The following LRRC37A2 variants were observed in gnomAD, a reference collection of about 807,000 sequenced individuals.
The protein encoded by LRRC37A2 is leucine rich repeat containing 37 member A2.
A neutral mutation model predicts 68.8 loss-of-function variants in LRRC37A2; 9 were observed. The ratio of observed to expected loss-of-function variants is 0.13; its 90% confidence interval spans 0.08 to 0.23. The LOEUF (loss-of-function observed/expected upper bound fraction) is 0.23. Ranked by LOEUF, LRRC37A2 falls within the 10% of genes least tolerant of loss-of-function variation. The probability of loss-of-function intolerance (pLI) is 1.00; values close to 1 mark genes in which losing one functional copy is unlikely to be tolerated. For missense variants in LRRC37A2, 168 were observed against 950.4 expected, an observed-to-expected ratio of 0.18 and a Z score of 10.82; for synonymous variants, 63 against 367.6, an observed-to-expected ratio of 0.17 and a Z score of 9.48.
chr17:46,777,196 C>T, the LRRC37A2 span, among the ~76,000 whole-genome samples: 1 of 151,806 alleles, frequency 6.6e-6, no homozygotes, highest in Non-Finnish European at 1.5e-5. Flanking sequence ...GGCGACAGAG[C>T]GAGACTTCGT....
At chr17:46,950,941 G>A in the LRRC37A2 span, among the ~76,000 whole-genome samples, 1 of 152,182 alleles carries the variant, frequency 6.6e-6, no homozygotes, top group African/African-American at 2.4e-5. Context: ...GGAAGTCACC[G>A]ACTCCCAATC....
the LRRC37A2 span, among the ~76,000 whole-genome samples, chr17:46,871,786 G>A: frequency 6.6e-6 from 1 of 152,186 alleles, no homozygotes; most frequent in Non-Finnish European, 1.5e-5. Flanking sequence ...GGCCTGATGG[G>A]AATTCAGCTC....
At chr17:46,819,488 C>G in the LRRC37A2 span, among the ~76,000 whole-genome samples, 1 of 152,158 alleles carries the variant, frequency 6.6e-6, no homozygotes. This position sits in a 1 kb window ranked among gnomAD's most constrained non-coding sequence, Gnocchi z 5.3. Context: ...GGTTCAGGCC[C>G]GACCTCTGGC....
the LRRC37A2 span, among the ~76,000 whole-genome samples, chr17:46,929,337 G>A: frequency 6.6e-6 from 1 of 152,222 alleles, no homozygotes; most frequent in African/African-American, 2.4e-5. Context: ...GTTATTGTTA[G>A]TAGTTAAGAT....
the LRRC37A2 span, chr17:47,017,095 T>C: frequency 6.5e-7 from 1 of 1,534,622 alleles, no homozygotes; most frequent in Non-Finnish European, 8.8e-7. Flanking sequence ...AAGAGTGCCC[T>C]GGTGACATGG....
chr17:46,714,186 C>G, the LRRC37A2 span, among the ~76,000 whole-genome samples: 1 of 152,050 alleles, frequency 6.6e-6, no homozygotes, highest in Non-Finnish European at 1.5e-5. Flanking sequence ...TTATTGAGTA[C>G]CTTTACCTTC....
chr17:46,659,336 TC>T, the LRRC37A2 span, among the ~76,000 whole-genome samples: 328 of 36,612 alleles, frequency 9.0e-3, no homozygotes, highest in South Asian at 0.012. Context: ...ATATATCTCT[TC>T]CCTTACCTTT....
At chr17:46,939,752 CT>C in the LRRC37A2 span, 1 of 987,332 alleles carries the variant, frequency 1.0e-6, no homozygotes, top group Non-Finnish European at 1.2e-6. Flanking sequence ...TTGTAACACT[CT>C]GTTTTCAGGG....
At chr17:46,831,202 C>T in the LRRC37A2 span, among the ~76,000 whole-genome samples, 1 of 152,174 alleles carries the variant, frequency 6.6e-6, no homozygotes, top group Non-Finnish European at 1.5e-5. Context: ...CTGTAAGTGC[C>T]TGACCATACA....
the LRRC37A2 span, among the ~76,000 whole-genome samples, chr17:47,002,378 T>TTTTA: frequency 5.7e-4 from 41 of 72,450 alleles, no homozygotes; most frequent in African/African-American, 1.8e-3. Context: ...TCTTAATTAT[T>TTTTA]TTTATTTTTA....
At chr17:46,938,924 T>A in the LRRC37A2 span, 2 of 1,511,840 alleles carry the variant, frequency 1.3e-6, no homozygotes, top group Non-Finnish European at 1.8e-6. Flanking sequence ...TGCTCTGTTT[T>A]CTGTGACATC....
chr17:46,821,910 G>C, the LRRC37A2 span, among the ~76,000 whole-genome samples: 7 of 152,228 alleles, frequency 4.6e-5, no homozygotes, highest in African/African-American at 1.7e-4. Context: ...GCCCCCGCCC[G>C]CCCTCATGGG....
At chr17:46,865,827 G>T in the LRRC37A2 span, among the ~76,000 whole-genome samples, 1 of 152,136 alleles carries the variant, frequency 6.6e-6, no homozygotes, top group African/African-American at 2.4e-5. Context: ...GCCCAGGCTG[G>T]TTTTGAACTC....
At chr17:46,944,951 C>T in the LRRC37A2 span, among the ~76,000 whole-genome samples, 1 of 152,140 alleles carries the variant, frequency 6.6e-6, no homozygotes, top group Admixed American at 6.5e-5. Context: ...TTGAGAACCA[C>T]GGCTGTCAGT....
chr17:46,556,211 C>T (rs1461122402), downstream of LRRC37A2: 2 of 146,202 alleles, frequency 1.4e-5, no homozygotes, highest in Non-Finnish European at 2.6e-5. Flanking sequence ...ATGCATCTGA[C>T]CAACTGGCTG....
the LRRC37A2 span, chr17:46,768,948 A>T: frequency 2.4e-6 from 3 of 1,259,406 alleles, no homozygotes; most frequent in African/African-American, 1.5e-5. The surrounding 1 kb of genome is among the most constrained non-coding windows in gnomAD (Gnocchi z 5.0). Flanking sequence ...CTGAGGCAAG[A>T]CCTAAAGAAT....
At chr17:46,959,674 G>C in the LRRC37A2 span, among the ~76,000 whole-genome samples, 1 of 152,160 alleles carries the variant, frequency 6.6e-6, no homozygotes, top group African/African-American at 2.4e-5. Context: ...CTGAATTATG[G>C]TGGGAAAGGA....
chr17:46,753,317 C>T, the LRRC37A2 span, among the ~76,000 whole-genome samples: 5 of 152,190 alleles, frequency 3.3e-5, no homozygotes, highest in African/African-American at 1.2e-4. Context: ...GGACCAATAA[C>T]AAATTGGAAA....
chr17:46,873,351 G>A, the LRRC37A2 span, among the ~76,000 whole-genome samples: 4 of 151,944 alleles, frequency 2.6e-5, no homozygotes, highest in African/African-American at 9.7e-5. Flanking sequence ...GCCAGGCACT[G>A]TGCCAGATCC....
Sources: gnomAD v4.1 joint callset for allele counts (sites outside exome capture counted in the v4.1 genomes callset) on GRCh38, gnomAD v4.1.1 for gene constraint, Gnocchi (gnomAD v3.1) non-coding constraint, MANE v1.5 for transcripts, NCBI Gene and HGNC (gene_info 2026-07-23, HGNC 2026-07-21) for gene names.